The following CERS4 variants were observed in gnomAD, a reference collection of about 807,000 sequenced individuals.
CERS4 encodes the protein LAG1 homolog, ceramide synthase 4.
CERS4 carries 65 observed loss-of-function variants against 51.8 expected under a neutral mutation model. The observed-to-expected ratio is 1.26, with a 90% CI of 1.03 to 1.54. CERS4 has a LOEUF of 1.54. Among genes scored for constraint, CERS4 ranks in the 40% most tolerant of loss-of-function variants. The pLI is 0.00. For missense variants in CERS4, 563 were observed against 500.4 expected, an observed-to-expected ratio of 1.13 and a Z score of -1.19; for synonymous variants, 228 against 208.4, an observed-to-expected ratio of 1.09 and a Z score of -0.81.
intron 2 of CERS4, among the ~76,000 whole-genome samples, chr19:8,245,118 A>ACAAAG (rs768473172): frequency 8.1e-6 from 1 of 124,098 alleles, no homozygotes; most frequent in Non-Finnish European, 1.8e-5. Flanking sequence ...TCTCAAAAAA[A>ACAAAG]AAAAAAAAAA....
intron 2 of CERS4, among the ~76,000 whole-genome samples, chr19:8,217,448 A>C (rs1967346373): frequency 6.6e-6 from 1 of 151,878 alleles, no homozygotes; most frequent in Non-Finnish European, 1.5e-5. Flanking sequence ...GGTTCACTGC[A>C]ATCTCCGCCT....
intron 2 of CERS4, among the ~76,000 whole-genome samples, chr19:8,226,065 C>T (rs374009813): frequency 5.3e-5 from 8 of 151,990 alleles, no homozygotes; most frequent in African/African-American, 1.4e-4. Flanking sequence ...GGTGTGGTGG[C>T]GCATGCTTAT....
In CERS4 at chr19:8,261,729, GC is replaced by G. The variant is rs770943490; in HGVS notation, c.894del (p.Phe299SerfsTer11). 2 of 1,614,012 alleles carry G rather than the reference GC, an allele frequency of 1.2e-6. No homozygotes were observed. The highest frequency in any genetic ancestry group is 1.7e-6 in the Non-Finnish European group (2 of 1,180,032). ...TTYYESISNR[G>X]PFFGYYFFNG... is the part of the protein sequence containing the mutation. ...TACTACGAGTCCATCAGCAACAGGGGCCCCTTCTTCGGCTACTACTTCTTCA... is the reference window on the plus strand; with the variant it reads ...TACTACGAGTCCATCAGCAACAGGGGCCCTTCTTCGGCTACTACTTCTTCA... On this transcript the variant is annotated frameshift_variant, in exon 11 of 12. Transcript: ENST00000251363. LOFTEE classifies it high-confidence loss of function.
chr19:8,256,372 GACACT>G, intron 7 of CERS4, 86 bp downstream of exon 7: 1 of 1,430,698 alleles, frequency 7.0e-7, no homozygotes, highest in Non-Finnish European at 9.7e-7. Flanking sequence ...CCCGAACCCT[GACACT>G]ACACTGTCAT....
At chr19:8,221,881 T>TTTTG (rs1967567941) in intron 2 of CERS4, among the ~76,000 whole-genome samples, 1 of 96,540 alleles carries the variant, frequency 1.0e-5, no homozygotes. Flanking sequence ...TGTTTTTTTT[T>TTTTG]TTTTTTTTTT....
chr19:8,257,009 A>G lies in CERS4; in HGVS notation c.673A>G (p.Ser225Gly), dbSNP rs754608384. 4 of 1,613,808 alleles carry G rather than the reference A, an allele frequency of 2.5e-6. No individual in the cohort carries two copies. Among genetic ancestry groups the G allele is most frequent in the South Asian group, 1.1e-5 (1 of 91,080 alleles). Residue 225 changes from serine (S) to glycine (G), a missense_variant, in exon 9 of 12, where the codon AGT becomes GGT. Coordinates refer to ENST00000251363, the MANE Select transcript of CERS4 (RefSeq NM_024552.3). ...VAVILMTFSY[S>G]ANLLRIGSLV... ...GGTCATCCTGATGACCTTCTCCTAC[A>G]GTGCCAACCTGCTGCGCATTGGCTC...
chr19:8,230,217 G>C (rs947614586), intron 2 of CERS4, among the ~76,000 whole-genome samples: 2 of 149,312 alleles, frequency 1.3e-5, no homozygotes, highest in African/African-American at 5.0e-5. Context: ...TTGAGACGGA[G>C]TCTCGCCTGA....
chr19:8,211,567 C>T (rs554417202), intron 2 of CERS4, among the ~76,000 whole-genome samples: 1 of 152,268 alleles, frequency 6.6e-6, no homozygotes, highest in East Asian at 1.9e-4. Context: ...TAAAATATCA[C>T]GAGAATATCA....
chr19:8,244,399 ATAT>A (rs1391270828), intron 2 of CERS4, among the ~76,000 whole-genome samples: 3 of 152,188 alleles, frequency 2.0e-5, no homozygotes, highest in Non-Finnish European at 4.4e-5. Context: ...AGTATATACT[ATAT>A]TATTAACTAA....
rs1208246858 is a variant in CERS4 at position 8,251,258 on chromosome 19, C to T, written c.173+9C>T. 1.3e-6 allele frequency: 2 copies of T among 1,584,340 alleles called. No individual in the cohort carries two copies. The highest frequency in any genetic ancestry group is 1.2e-5 in the South Asian group (1 of 86,562). On this transcript the variant is annotated intron_variant, in intron 3 of 11. Transcript: ENST00000251363. ...CGCCTTGCCTTTGAGAGGTGAGTGT[C>T]TGCCCTGCCGCAATCCATTGCCCCC...
chr19:8,251,582 C>A (rs553306662), intron 3 of CERS4, among the ~76,000 whole-genome samples: 20 of 152,138 alleles, frequency 1.3e-4, no homozygotes, highest in African/African-American at 4.8e-4. Context: ...GAGGCTGAGG[C>A]GGGTGGATCA....
chr19:8,245,473 C>T (rs1968738614), intron 2 of CERS4, among the ~76,000 whole-genome samples: 1 of 143,856 alleles, frequency 7.0e-6, no homozygotes, highest in Non-Finnish European at 1.5e-5. Flanking sequence ...GGTCTCAAAC[C>T]CCTGGGTTCA....
At chr19:8,232,947 A>G (rs968876091) in intron 2 of CERS4, among the ~76,000 whole-genome samples, 40 of 133,640 alleles carry the variant, frequency 3.0e-4, no homozygotes, top group African/African-American at 1.1e-3. Flanking sequence ...TATGTTGTCC[A>G]GGCTGGTCTT....
intron 3 of CERS4, among the ~76,000 whole-genome samples, chr19:8,253,214 T>G (rs1969179675): frequency 6.6e-6 from 1 of 151,942 alleles, no homozygotes; most frequent in Non-Finnish European, 1.5e-5. Context: ...GTCCCTGATC[T>G]CCAAGCCTCT....
At chr19:8,259,296 G>A (rs1230056634) in intron 10 of CERS4, among the ~76,000 whole-genome samples, 2 of 152,158 alleles carry the variant, frequency 1.3e-5, no homozygotes, top group African/African-American at 2.4e-5. Context: ...TCCAGGCAGA[G>A]AATAGCATGT....
intron 7 of CERS4, 116 bp from the exon 8 acceptor site, chr19:8,256,502 C>T (rs1969390142): frequency 2.8e-6 from 3 of 1,079,112 alleles, no homozygotes; most frequent in East Asian, 4.9e-5. Flanking sequence ...ATGGGGAGCT[C>T]ACTCATTGGG....
In CERS4 at chr19:8,254,485, TC is replaced by T. The variant is rs758337564; in HGVS notation, c.174-12del. ...TTCACCTGGGCTGATAGGCTCTGTC[TC>T]CTTTGCACCCAGATTCATTGGCCTG... On this transcript the variant is annotated splice_polypyrimidine_tract_variant and intron_variant, in intron 3 of 11. Transcript: ENST00000251363. The T allele has an allele frequency of 6.8e-6, 11 of 1,612,678 alleles. No individual in the cohort carries two copies. The East Asian group carries it at 2.5e-4, about 36-fold the overall frequency.
At chr19:8,236,498 T>C (rs1359567010) in intron 2 of CERS4, among the ~76,000 whole-genome samples, 1 of 143,696 alleles carries the variant, frequency 7.0e-6, no homozygotes. Context: ...GGCAACATGG[T>C]GAAATCCCAT....
intron 2 of CERS4, among the ~76,000 whole-genome samples, chr19:8,212,642 T>TA (rs142848291): frequency 0.04 from 6,079 of 150,998 alleles, 147 homozygotes; most frequent in South Asian, 0.057. Flanking sequence ...TAATTATTAT[T>TA]TTTTTTATTT....
Sources: allele counts gnomAD v4.1 joint callset (sites outside exome capture counted in the v4.1 genomes callset), GRCh38; gene constraint gnomAD v4.1.1; transcripts MANE v1.5; gene names NCBI Gene and HGNC (gene_info 2026-07-23, HGNC 2026-07-21).